Variants in PLAGL1 observed in about 807,000 individuals in gnomAD.
PLAGL1 encodes the protein zinc finger protein PLAGL1.
A neutral mutation model predicts 4.6 loss-of-function variants in PLAGL1; 1 was observed. That is an observed-to-expected ratio of 0.22 (90% confidence interval 0.08 to 1.03). The LOEUF is 1.03. Ranked by LOEUF, PLAGL1 falls within the 50% of genes least tolerant of loss-of-function variation. The pLI, the probability that PLAGL1 is intolerant of heterozygous loss-of-function variation, is 0.58. For synonymous variants in PLAGL1, 240 were observed against 237.8 expected (o/e 1.01, Z -0.08); for missense variants, 464 against 570.4 (o/e 0.81, Z 1.90).
Position 143,948,796 on chromosome 6 carries a change from A to AACAACAAACG in PLAGL1, c.-324-337_-324-336insCGTTTGTTGT, listed in dbSNP as rs1467756889. The stretch of plus-strand genomic sequence containing the variant: ...AACAACAACAACAACAACAACAAAC[A>AACAACAAACG]AAAACCTCCCTCCCTCAGTGTGTTC... On this transcript the variant is annotated intron_variant, in intron 6 of 7. Transcript: ENST00000674357. The surrounding 1 kb of genome is among the most constrained non-coding windows in gnomAD (Gnocchi z 6.0). Among the ~76,000 whole-genome samples the AACAACAAACG allele has an allele frequency of 2.2e-4, 34 of 151,588 alleles. No individual in the cohort carries two copies. Among genetic ancestry groups the AACAACAAACG allele is most frequent in the South Asian group, 6.3e-4 (3 of 4,792 alleles).
At chr6:144,009,732 T>G (rs1190863580), upstream of PLAGL1, among the ~76,000 whole-genome samples, 1 of 151,168 alleles carries the variant, frequency 6.6e-6, no homozygotes, top group Admixed American at 6.6e-5. Flanking sequence ...TGTGTTCTCA[T>G]TGTTCAACTC....
rs1327435085 is a variant in PLAGL1, at chr6:144,005,660, A to C, written c.-584+2430T>G. ...CTTAAGACAAAAAGCATAAGGATTAATGTCTACAGTTTAATATCTGCAAGT... is the reference window on the plus strand; with the variant it reads ...CTTAAGACAAAAAGCATAAGGATTACTGTCTACAGTTTAATATCTGCAAGT... On this transcript the variant is annotated intron_variant, in intron 1 of 7. Coordinates refer to ENST00000674357, the MANE Select transcript of PLAGL1 (RefSeq NM_001317162.2). This position sits in a 1 kb window ranked among gnomAD's most constrained non-coding sequence, Gnocchi z 4.6. 2 of 152,182 alleles carry C rather than the reference A, an allele frequency of 1.3e-5. No individual in the cohort carries two copies. Among genetic ancestry groups the C allele is most frequent in the Non-Finnish European group, 2.9e-5 (2 of 68,008 alleles). 9.4% of individuals were successfully genotyped at this position (152,182 alleles called of 1,614,324 possible). A position where few individuals can be genotyped will look rare whatever the true frequency, so the allele number is the denominator to read the frequency against.
chr6:144,002,003 G>C (rs2128660170), intron 1 of PLAGL1, among the ~76,000 whole-genome samples: 1 of 152,094 alleles, frequency 6.6e-6, no homozygotes, highest in Admixed American at 6.5e-5. Context: ...TAAAAAAAAA[G>C]AACATTAGAG....
intron 2 of PLAGL1, among the ~76,000 whole-genome samples, chr6:143,977,439 CT>C (rs958256573): frequency 1.1e-4 from 12 of 110,648 alleles, no homozygotes; most frequent in East Asian, 5.2e-4. Context: ...TAGCTCACTT[CT>C]TTTTTTTTTA....
rs140218910 is a variant in PLAGL1, at chr6:143,958,345, G to A, written c.-325+2124C>T. ...CATGAGATGAACCCAAGACCAAATC[G>A]GATTACCCTAGACACAAATTTGATG... On this transcript the variant is annotated intron_variant, in intron 6 of 7. Coordinates refer to ENST00000674357, the MANE Select transcript of PLAGL1 (RefSeq NM_001317162.2). The surrounding 1 kb of genome is among the most constrained non-coding windows in gnomAD (Gnocchi z 5.1). 1.9e-3 allele frequency among the ~76,000 whole-genome samples: 296 copies of A among 152,258 alleles called. 4 individuals carry two copies. Among genetic ancestry groups the A allele is most frequent in the East Asian group, 0.014 (73 of 5,172 alleles).
Position 143,948,048 on chromosome 6 carries a change from C to T in PLAGL1, c.89G>A (p.Arg30Gln), listed in dbSNP as rs201696236. 13 of 1,613,960 alleles carry T rather than the reference C, an allele frequency of 8.1e-6. No homozygotes were observed. Among genetic ancestry groups the T allele is most frequent in the African/African-American group, 1.3e-5 (1 of 74,940 alleles). Residue 30 changes from arginine (R) to glutamine (Q), a missense_variant, in exon 7 of 8, where the codon CGG becomes CAG. Physicochemically the swap from Arg to Gln is conservative, Grantham distance 43. Around this residue, in one of 4 missense-constraint regions of PLAGL1, gnomAD observed 161 missense variants for 196.7 expected, o/e 0.82. Coordinates refer to ENST00000674357, the MANE Select transcript of PLAGL1 (RefSeq NM_001317162.2). The surrounding 1 kb of genome is among the most constrained non-coding windows in gnomAD (Gnocchi z 6.0). ...GTCAGGCTGCACACACTTGTACGGC[C>T]GCTCCCTGGAGTGGGAATAATTGTG... Reference protein sequence around the residue: ...TIHNYSHSRERPYKCVQPDCG... With the variant: ...TIHNYSHSREQPYKCVQPDCG...
chr6:144,021,162 CG>C (rs1350542454), intron 1 of PLAGL1, among the ~76,000 whole-genome samples: 1 of 151,896 alleles, frequency 6.6e-6, no homozygotes, highest in Non-Finnish European at 1.5e-5. Flanking sequence ...CAGAACTAAA[CG>C]GGTAAGAGGT....
chr6:143,996,429 T>C (rs146120070), intron 1 of PLAGL1, among the ~76,000 whole-genome samples: 1,624 of 152,296 alleles, frequency 0.011, 9 homozygotes, highest in Middle Eastern at 0.044. Flanking sequence ...TATCCATTCT[T>C]CCTTTCTTTC....
chr6:143,961,752 T>C lies in PLAGL1; in HGVS notation c.-398-1210A>G, dbSNP rs1423173620. On this transcript the variant is annotated intron_variant, in intron 5 of 7. Transcript: ENST00000674357. This position sits in a 1 kb window ranked among gnomAD's most constrained non-coding sequence, Gnocchi z 6.5. ...GTATAAAATTTTTTTTGAAAGAGCT[T>C]TAAAAAGACATTAAAGCAAAAGAGT... Among the ~76,000 whole-genome samples the C allele has an allele frequency of 6.6e-6, 1 of 152,138 alleles. No homozygotes were observed. Among genetic ancestry groups the C allele is most frequent in the East Asian group, 1.9e-4 (1 of 5,196 alleles).
In PLAGL1 at chr6:143,973,478, C is replaced by T. The variant is rs1015923409; in HGVS notation, c.-543-4500G>A. 6.6e-6 allele frequency among the ~76,000 whole-genome samples: 1 copy of T among 152,114 alleles called. No homozygotes were observed. The highest frequency in any genetic ancestry group is 6.5e-5 in the Admixed American group (1 of 15,270). On this transcript the variant is annotated intron_variant, in intron 2 of 7. Transcript: ENST00000674357. This position sits in a 1 kb window ranked among gnomAD's most constrained non-coding sequence, Gnocchi z 6.2. The stretch of plus-strand genomic sequence containing the variant: ...CAAGGTCAGAGGGAGAAAACAAGCA[C>T]GGGGGGAAGTCCTCTGCTTCTAGGG...
chr6:144,019,165 T>A (rs1159965648), intron 1 of PLAGL1, among the ~76,000 whole-genome samples: 1 of 152,028 alleles, frequency 6.6e-6, no homozygotes, highest in Non-Finnish European at 1.5e-5. Flanking sequence ...TCTAAAGTGA[T>A]CCCTGGATTT....
At chr6:144,007,817 G>A (rs1225531831) in intron 1 of PLAGL1, 2 of 152,222 alleles carry the variant, frequency 1.3e-5, no homozygotes, top group Admixed American at 1.3e-4. Context: ...TAAGAATCGG[G>A]TCTGTGGACC....
At position 144,056,300 on chromosome 6, in the gene PLAGL1, T is replaced by A. The variant is rs938489128; in HGVS notation, c.-151+8168A>T. ...CCGGCATCCCCACCAGGATGGCGCA[T>A]TTGTTCCAACTGTTCAATCCACACT... is the stretch of plus-strand genomic sequence containing the variant. On this transcript the variant is annotated intron_variant, in intron 1 of 3. Coordinates refer to the PLAGL1 transcript ENST00000437412. The surrounding 1 kb of genome is among the most constrained non-coding windows in gnomAD (Gnocchi z 4.7). Among the ~76,000 whole-genome samples the A allele has an allele frequency of 1.3e-5, 2 of 152,198 alleles. No homozygotes were observed. Among genetic ancestry groups the A allele is most frequent in the Non-Finnish European group, 2.9e-5 (2 of 68,028 alleles).
Position 144,053,482 on chromosome 6 carries a change from T to A in PLAGL1, c.-151+10986A>T, listed in dbSNP as rs569563740. 8.5e-5 allele frequency among the ~76,000 whole-genome samples: 13 copies of A among 152,342 alleles called. No individual in the cohort carries two copies. The East Asian group carries it at 2.5e-3, about 29-fold the overall frequency. On this transcript the variant is annotated intron_variant, in intron 1 of 3. Transcript: ENST00000437412. This position sits in a 1 kb window ranked among gnomAD's most constrained non-coding sequence, Gnocchi z 4.0. ...AGTTCATTCAAGTATAACATCTTGC[T>A]ACCACCTATGAGGGATACAAAAGGT... is the stretch of plus-strand genomic sequence containing the variant.
At chr6:144,010,358 G>A (rs1017836619), upstream of PLAGL1, among the ~76,000 whole-genome samples, 3 of 152,072 alleles carry the variant, frequency 2.0e-5, no homozygotes, top group African/African-American at 4.8e-5. The surrounding 1 kb of genome is among the most constrained non-coding windows in gnomAD (Gnocchi z 4.1). Context: ...TCACAATGGC[G>A]ACAAAGAGAA....
In PLAGL1 at chr6:144,000,123, A is replaced by G. The variant is rs1336005275; in HGVS notation, c.-584+7967T>C. On this transcript the variant is annotated intron_variant, in intron 1 of 7. Coordinates refer to ENST00000674357, the MANE Select transcript of PLAGL1 (RefSeq NM_001317162.2). This position sits in a 1 kb window ranked among gnomAD's most constrained non-coding sequence, Gnocchi z 4.1. The stretch of plus-strand genomic sequence containing the variant: ...AATTCATGATATAAAACTCTTAGAG[A>G]ACTAGAAGAAGAGAACTTTAAATAT... 6.6e-6 allele frequency among the ~76,000 whole-genome samples: 1 copy of G among 152,188 alleles called. No individual in the cohort carries two copies. Among genetic ancestry groups the G allele is most frequent in the African/African-American group, 2.4e-5 (1 of 41,458 alleles).
chr6:144,043,457 G>C lies in PLAGL1; in HGVS notation c.-151+21011C>G, dbSNP rs573170851. Among the ~76,000 whole-genome samples the C allele has an allele frequency of 2.0e-5, 3 of 152,196 alleles. 1 individual carries two copies. The South Asian group carries it at 6.2e-4, about 32-fold the overall frequency. ...TCACATGGTTTTTGTCTTTGGTTCTGTTTATGTGATAGATTACGTTTATCG... is the reference window on the plus strand; with the variant it reads ...TCACATGGTTTTTGTCTTTGGTTCTCTTTATGTGATAGATTACGTTTATCG... On this transcript the variant is annotated intron_variant, in intron 1 of 3. Coordinates refer to the PLAGL1 transcript ENST00000437412.
chr6:144,031,726 A>G (rs1201531648), intron 1 of PLAGL1, among the ~76,000 whole-genome samples: 1 of 152,148 alleles, frequency 6.6e-6, no homozygotes, highest in Non-Finnish European at 1.5e-5. Context: ...TTTTTATACC[A>G]GTACCATGCT....
chr6:144,046,358 G>T (rs1216054269), intron 1 of PLAGL1, among the ~76,000 whole-genome samples: 2 of 152,212 alleles, frequency 1.3e-5, no homozygotes, highest in Admixed American at 6.5e-5. Flanking sequence ...GTGACCTACA[G>T]ATGGGGTTTT....
Sources: gnomAD v4.1 joint callset for allele counts (sites outside exome capture counted in the v4.1 genomes callset) on GRCh38, gnomAD v4.1.1 for gene constraint, gnomAD v4.1.1 regional missense constraint, Gnocchi (gnomAD v3.1) non-coding constraint, MANE v1.5 for transcripts, NCBI Gene and HGNC (gene_info 2026-07-23, HGNC 2026-07-21) for gene names.